Variants in WDR49 observed in about 807,000 individuals in gnomAD.
WDR49 encodes cilia- and flagella-associated protein 337.
A neutral mutation model predicts 119.5 loss-of-function variants in WDR49; 107 were observed. The ratio of observed to expected loss-of-function variants is 0.90; its 90% CI spans 0.77 to 1.05. The LOEUF is 1.05. WDR49 is among the 50% of genes least tolerant of loss of function. WDR49 has a pLI of 0.00. For missense variants in WDR49, 1,240 were observed against 1,220.5 expected (o/e 1.02, Z -0.24); for synonymous variants, 425 against 418.8 (o/e 1.01, Z -0.18).
chr3:167,608,973 T>C (rs1417016706), intron 5 of WDR49, among the ~76,000 whole-genome samples: 1 of 152,198 alleles, frequency 6.6e-6, no homozygotes, highest in Non-Finnish European at 1.5e-5. Context: ...ATGTGTGCTG[T>C]CAAAATGACC....
At chr3:167,485,279 G>A (rs1750878085) in intron 18 of WDR49, among the ~76,000 whole-genome samples, 2 of 151,828 alleles carry the variant, frequency 1.3e-5, no homozygotes, top group Admixed American at 1.3e-4. Flanking sequence ...GTTGACAGGT[G>A]CAGCAAACCA....
chr3:167,555,059 C>CT (rs1303792568), intron 9 of WDR49, among the ~76,000 whole-genome samples: 1 of 152,038 alleles, frequency 6.6e-6, no homozygotes, highest in Non-Finnish European at 1.5e-5. Context: ...TGACTCCAGG[C>CT]TGGGGAGCCC....
rs56877633 is a variant in WDR49, at chr3:167,608,844, G to GA, written c.959-4377dup. ...AATTACTTTTATATAACATTATAGA[G>GA]AAAAAAAACAACTTGATTATATTTA... On this transcript the variant is annotated intron_variant, in intron 5 of 18. Coordinates refer to ENST00000682715, the MANE Select transcript of WDR49 (RefSeq NM_001366157.1). Among the ~76,000 whole-genome samples, 6 of 151,128 alleles carry GA rather than the reference G, an allele frequency of 4.0e-5. No homozygotes were observed. In the South Asian group the frequency reaches 8.4e-4, roughly 21 times the overall value.
intron 5 of WDR49, among the ~76,000 whole-genome samples, chr3:167,605,001 C>T (rs904908017): frequency 1.0e-4 from 15 of 149,196 alleles, no homozygotes; most frequent in African/African-American, 3.8e-4. Context: ...GGTATAATAA[C>T]TTAATTTGCT....
chr3:167,560,110 G>A lies in WDR49; in HGVS notation c.1628C>T (p.Ala543Val). The A allele has an allele frequency of 6.2e-7, 1 of 1,614,156 alleles. No individual in the cohort carries two copies. The highest frequency in any genetic ancestry group is 8.5e-7 in the Non-Finnish European group (1 of 1,180,020). ...NAEISTMALD[A>V]NETRLLTGST... is the part of the protein sequence containing the mutation. ...GCCAGTCAAAAGCCGAGTCTCATTTGCATCAAGGGCCATAGTGCTGATTTC... is the reference window on the plus strand; with the variant it reads ...GCCAGTCAAAAGCCGAGTCTCATTTACATCAAGGGCCATAGTGCTGATTTC... The change falls in exon 9 of 19, where the codon GCA (alanine) becomes GTA (valine). Residue 543 changes from alanine to valine, a missense_variant. Ala to Val is a moderately conservative substitution (Grantham distance 64). Coordinates refer to ENST00000682715, the MANE Select transcript of WDR49 (RefSeq NM_001366157.1).
chr3:167,589,630 T>C (rs548797832), intron 7 of WDR49, among the ~76,000 whole-genome samples: 1 of 152,078 alleles, frequency 6.6e-6, no homozygotes, highest in Non-Finnish European at 1.5e-5. Context: ...TTTTATACTT[T>C]TCATCATACA....
intron 2 of WDR49, among the ~76,000 whole-genome samples, chr3:167,638,489 C>T (rs1172523036): frequency 1.3e-5 from 2 of 151,506 alleles, no homozygotes; most frequent in East Asian, 3.9e-4. Flanking sequence ...TTCTGTTGTA[C>T]TTGCCTCAAT....
intron 14 of WDR49, among the ~76,000 whole-genome samples, chr3:167,528,247 G>C (rs901645667): frequency 1.3e-5 from 2 of 151,928 alleles, no homozygotes; most frequent in African/African-American, 4.8e-5. Flanking sequence ...AGTGGGGAAG[G>C]AGGAAGGAAA....
chr3:167,653,111 G>A lies in WDR49; in HGVS notation c.165+150C>T. ...GGGGCAAAGCTACCAAGCACATTGT[G>A]TTAAATCCAGGCCTAACCAATTATT... On this transcript the variant is annotated intron_variant, in intron 2 of 18. Transcript: ENST00000682715. 5 of 889,592 alleles carry A rather than the reference G, an allele frequency of 5.6e-6. No homozygotes were observed. The South Asian group carries it at 8.8e-5, about 16-fold the overall frequency. 55.1% of individuals were successfully genotyped at this position (889,592 alleles called of 1,614,324 possible).
intron 2 of WDR49, among the ~76,000 whole-genome samples, chr3:167,628,070 A>AC (rs1209335227): frequency 6.6e-6 from 1 of 152,014 alleles, no homozygotes; most frequent in African/African-American, 2.4e-5. Flanking sequence ...GGCACCATGA[A>AC]CCACACCCAT....
intron 2 of WDR49, among the ~76,000 whole-genome samples, chr3:167,642,289 A>C (rs1167796306): frequency 6.6e-6 from 1 of 151,968 alleles, no homozygotes; most frequent in Non-Finnish European, 1.5e-5. Flanking sequence ...CTGTAATGCA[A>C]TATAATGCAA....
chr3:167,520,499 T>C (rs761321052), intron 16 of WDR49, among the ~76,000 whole-genome samples: 7 of 152,182 alleles, frequency 4.6e-5, no homozygotes, highest in Non-Finnish European at 7.4e-5. Flanking sequence ...CATTCTATGA[T>C]TGTACAGGAT....
intron 16 of WDR49, among the ~76,000 whole-genome samples, 200 bp downstream of exon 16, chr3:167,522,115 T>C (rs1008209988): frequency 1.3e-5 from 2 of 152,244 alleles, no homozygotes; most frequent in South Asian, 2.1e-4. Flanking sequence ...AGAATCAATG[T>C]AGTCAAGAAA....
intron 2 of WDR49, among the ~76,000 whole-genome samples, chr3:167,653,034 A>G (rs1018167030): frequency 1.3e-5 from 2 of 152,226 alleles, no homozygotes; most frequent in African/African-American, 2.4e-5. Flanking sequence ...TAGTAATGAA[A>G]TTCAGTGAAG....
chr3:167,628,196 A>G (rs765032234), intron 2 of WDR49, among the ~76,000 whole-genome samples: 3 of 152,092 alleles, frequency 2.0e-5, no homozygotes, highest in Admixed American at 1.3e-4. Flanking sequence ...AGACACAAAA[A>G]TATTGAAATT....
At chr3:167,596,624 A>G (rs1185004586) in intron 7 of WDR49, among the ~76,000 whole-genome samples, 31 of 147,672 alleles carry the variant, frequency 2.1e-4, no homozygotes, top group African/African-American at 5.5e-4. Context: ...GCAAGAACAA[A>G]AAACCAAACA....
At chr3:167,614,940 A>C (rs1716523386) in intron 5 of WDR49, among the ~76,000 whole-genome samples, 1 of 152,248 alleles carries the variant, frequency 6.6e-6, no homozygotes, top group South Asian at 2.1e-4. Context: ...CAAGTCTTGC[A>C]GACAAAGGAA....
In WDR49 at chr3:167,529,059, T is replaced by C; in HGVS notation, c.2399A>G (p.Asn800Ser). The change falls in exon 14 of 19, where the codon AAT (asparagine) becomes AGT (serine). Residue 800 changes from asparagine to serine, a missense_variant. Asn to Ser is a conservative substitution (Grantham distance 46). Coordinates refer to ENST00000682715, the MANE Select transcript of WDR49 (RefSeq NM_001366157.1). ...TAATGTTTTTCAATTTACCTCTATA[T>C]TCCAGATTTTCAACCATCCATCAAG... Reference protein sequence around the residue: ...GDLDGWLKIWNIEEYCLNSSK... With the variant: ...GDLDGWLKIWSIEEYCLNSSK... 6.3e-7 allele frequency: 1 copy of C among 1,576,716 alleles called. No individual in the cohort carries two copies. The highest frequency in any genetic ancestry group is 1.2e-5 in the South Asian group (1 of 83,796).
intron 5 of WDR49, among the ~76,000 whole-genome samples, chr3:167,606,385 A>G (rs1716066406): frequency 6.6e-6 from 1 of 152,160 alleles, no homozygotes; most frequent in Non-Finnish European, 1.5e-5. Flanking sequence ...ACCTCCAGCC[A>G]CAGGTAATTT....
Sources: allele counts gnomAD v4.1 joint callset (sites outside exome capture counted in the v4.1 genomes callset), GRCh38; gene constraint gnomAD v4.1.1; transcripts MANE v1.5; gene names NCBI Gene and HGNC (gene_info 2026-07-23, HGNC 2026-07-21).